Variants in NHSL3 observed in about 807,000 individuals in gnomAD.
The protein encoded by NHSL3 is NHS-like protein 3.
chr1:32,742,014 C>T, the NHSL3 span: 2 of 1,231,260 alleles, frequency 1.6e-6, no homozygotes, highest in South Asian at 3.5e-5. Flanking sequence ...ACCCGGGCGG[C>T]CCCCCGCGCA....
chr1:32,754,170 G>C, the NHSL3 span: 1 of 711,520 alleles, frequency 1.4e-6, no homozygotes, highest in South Asian at 1.5e-5. Flanking sequence ...GGTCGGCGAA[G>C]CGGCCGGCAG....
the NHSL3 span, among the ~76,000 whole-genome samples, chr1:32,763,733 G>A: frequency 2.0e-5 from 3 of 151,822 alleles, no homozygotes; most frequent in Non-Finnish European, 4.4e-5. Context: ...CACCACGCCC[G>A]GCTAATTTTT....
the NHSL3 span, among the ~76,000 whole-genome samples, chr1:32,748,322 G>A: frequency 6.6e-6 from 1 of 152,148 alleles, no homozygotes; most frequent in Non-Finnish European, 1.5e-5. Flanking sequence ...TGGGTAAGGA[G>A]AGTCCATTAT....
At chr1:32,768,683 T>C in the NHSL3 span, 44 of 1,614,056 alleles carry the variant, frequency 2.7e-5, no homozygotes, top group East Asian at 1.1e-4. Flanking sequence ...GAAGACAACA[T>C]CTCCTTCTGC....
chr1:32,767,883 C>T, the NHSL3 span: 3 of 1,613,962 alleles, frequency 1.9e-6, no homozygotes, highest in East Asian at 4.5e-5. Context: ...GTCTTCTTTC[C>T]CAGTGGGCGA....
the NHSL3 span, chr1:32,772,144 C>T: frequency 1.5e-5 from 25 of 1,613,222 alleles, no homozygotes; most frequent in East Asian, 3.8e-4. Flanking sequence ...GCCCGTGTCC[C>T]CTGAGACCCA....
At chr1:32,747,619 C>T in the NHSL3 span, among the ~76,000 whole-genome samples, 3 of 152,064 alleles carry the variant, frequency 2.0e-5, no homozygotes, top group Non-Finnish European at 4.4e-5. Context: ...AGCTGACCTC[C>T]AGCCAGCCAG....
the NHSL3 span, among the ~76,000 whole-genome samples, chr1:32,767,241 C>T: frequency 6.6e-6 from 1 of 152,000 alleles, no homozygotes; most frequent in Admixed American, 6.6e-5. Flanking sequence ...GGTATGGAGG[C>T]GAGAGCAATG....
At chr1:32,772,003 G>A in the NHSL3 span, 3 of 1,602,792 alleles carry the variant, frequency 1.9e-6, no homozygotes, top group East Asian at 6.7e-5. Context: ...CTGCAGCCTG[G>A]CCGCCAGTGA....
the NHSL3 span, among the ~76,000 whole-genome samples, chr1:32,746,253 A>C: frequency 6.6e-6 from 1 of 151,934 alleles, no homozygotes; most frequent in Non-Finnish European, 1.5e-5. Flanking sequence ...AAAAACAAAA[A>C]AGAACAAGTT....
chr1:32,750,529 C>G, the NHSL3 span, among the ~76,000 whole-genome samples: 1 of 152,106 alleles, frequency 6.6e-6, no homozygotes, highest in Non-Finnish European at 1.5e-5. Flanking sequence ...TTTTTTGAGA[C>G]AGAGTTTCGC....
the NHSL3 span, among the ~76,000 whole-genome samples, chr1:32,755,352 A>G: frequency 6.6e-6 from 1 of 152,168 alleles, no homozygotes. Context: ...TGGTGGGAGA[A>G]TCTACGGGTG....
At chr1:32,765,568 G>C in the NHSL3 span, 1 of 1,440,662 alleles carries the variant, frequency 6.9e-7, no homozygotes, top group Non-Finnish European at 9.2e-7. Context: ...GGTGGGGTCG[G>C]CAGATGGGCG....
chr1:32,770,030 C>T, the NHSL3 span: 3 of 1,588,346 alleles, frequency 1.9e-6, no homozygotes, highest in Non-Finnish European at 2.6e-6. The surrounding 1 kb of genome is among the most constrained non-coding windows in gnomAD (Gnocchi z 8.3). Flanking sequence ...GAGGCGGAGG[C>T]TGGCGCTGAG....
the NHSL3 span, among the ~76,000 whole-genome samples, chr1:32,742,581 T>C: frequency 6.6e-6 from 1 of 152,132 alleles, no homozygotes; most frequent in Non-Finnish European, 1.5e-5. Flanking sequence ...TGGCCTTGGG[T>C]CTCTGGTGGG....
chr1:32,749,841 C>G, the NHSL3 span, among the ~76,000 whole-genome samples: 1 of 152,102 alleles, frequency 6.6e-6, no homozygotes, highest in Non-Finnish European at 1.5e-5. Context: ...ACCCTCCCTG[C>G]AGTCCCTGAA....
chr1:32,748,332 T>G, the NHSL3 span, among the ~76,000 whole-genome samples: 1 of 152,112 alleles, frequency 6.6e-6, no homozygotes, highest in Non-Finnish European at 1.5e-5. Context: ...GAGTCCATTA[T>G]GAACAATGTC....
the NHSL3 span, among the ~76,000 whole-genome samples, chr1:32,761,369 G>T: frequency 6.6e-6 from 1 of 152,178 alleles, no homozygotes; most frequent in Non-Finnish European, 1.5e-5. Context: ...AGGGGGAGGG[G>T]TGTCGCTGGG....
At chr1:32,748,015 C>T in the NHSL3 span, among the ~76,000 whole-genome samples, 1 of 152,184 alleles carries the variant, frequency 6.6e-6, no homozygotes, top group Middle Eastern at 3.2e-3. Context: ...GAGGCTGAGG[C>T]AGGAGAATAG....
Sources: allele counts gnomAD v4.1 joint callset (sites outside exome capture counted in the v4.1 genomes callset), GRCh38; gene constraint gnomAD v4.1.1; non-coding constraint Gnocchi (gnomAD v3.1); transcripts MANE v1.5; gene names NCBI Gene and HGNC (gene_info 2026-07-23, HGNC 2026-07-21).